RADIL: variants seen among roughly 807,000 people sequenced by gnomAD.
The protein encoded by RADIL is Rap associating with DIL domain, also known as ras-associating and dilute domain-containing protein.
In RADIL, 99 loss-of-function variants were observed where a neutral mutation model predicts 97.6. That is an observed-to-expected ratio of 1.01 (90% CI 0.86 to 1.20). The LOEUF (loss-of-function observed/expected upper bound fraction) is 1.20. Among genes scored for constraint, RADIL ranks in the 50% most tolerant of loss-of-function variants. The probability of loss-of-function intolerance (pLI) is 0.00; values close to 1 mark genes in which losing one functional copy is unlikely to be tolerated. For synonymous variants in RADIL, 803 were observed against 691.8 expected, an observed-to-expected ratio of 1.16 and a Z score of -2.52; for missense variants, 1,765 against 1,498.9, an observed-to-expected ratio of 1.18 and a Z score of -2.93.
chr7:4,848,358 T>TA (rs958739943), intron 2 of RADIL, among the ~76,000 whole-genome samples: 32 of 149,874 alleles, frequency 2.1e-4, no homozygotes, highest in East Asian at 1.6e-3. Flanking sequence ...AAAAGTTTTT[T>TA]AAAAAAAAAA....
In RADIL at chr7:4,879,136, C is replaced by A. The variant is rs1031150839; in HGVS notation, c.-64-933G>T. Among the ~76,000 whole-genome samples, 1 of 152,236 alleles carries A rather than the reference C, an allele frequency of 6.6e-6. No individual in the cohort carries two copies. Among genetic ancestry groups the A allele is most frequent in the African/African-American group, 2.4e-5 (1 of 41,470 alleles). ...CCCTCTCGAGCCGGTGCAGGCATGG[C>A]CGGAATGCAGGCGTCCCGCCCACCA... On this transcript the variant is annotated intron_variant, in intron 1 of 14. Coordinates refer to ENST00000399583, the MANE Select transcript of RADIL (RefSeq NM_018059.5). The surrounding 1 kb of genome is among the most constrained non-coding windows in gnomAD (Gnocchi z 4.1).
Position 4,835,290 on chromosome 7 carries a change from A to C in RADIL, c.784-51T>G. On this transcript the variant is annotated intron_variant, in intron 3 of 14. Transcript: ENST00000399583. This position sits in a 1 kb window ranked among gnomAD's most constrained non-coding sequence, Gnocchi z 5.8. ...AGGCGTAACGCGAGCAGCACACGGG[A>C]AAAGCGTCCCGTGTCTAGTCACTGG... is the stretch of plus-strand genomic sequence containing the variant. The C allele has an allele frequency of 6.3e-7, 1 of 1,582,184 alleles. No individual in the cohort carries two copies. The highest frequency in any genetic ancestry group is 8.5e-7 in the Non-Finnish European group (1 of 1,170,798).
At position 4,817,138 on chromosome 7, in the gene RADIL, C is replaced by T; in HGVS notation, c.1728+101G>A. On this transcript the variant is annotated intron_variant, in intron 7 of 14. Transcript: ENST00000399583. The surrounding 1 kb of genome is among the most constrained non-coding windows in gnomAD (Gnocchi z 8.3). ...TGGAGCTTGTCACGGTCCCCTCCCTCAGCCCCCCAGAAGGCTCCTTAGGAG... is the reference window on the plus strand; with the variant it reads ...TGGAGCTTGTCACGGTCCCCTCCCTTAGCCCCCCAGAAGGCTCCTTAGGAG... 9.8e-7 allele frequency: 1 copy of T among 1,024,670 alleles called. No homozygotes were observed. Among genetic ancestry groups the T allele is most frequent in the Non-Finnish European group, 1.4e-6 (1 of 690,068 alleles). 63.5% of individuals were successfully genotyped at this position (1,024,670 alleles called of 1,614,324 possible).
At chr7:4,868,392 G>C (rs1289043890) in intron 2 of RADIL, among the ~76,000 whole-genome samples, 7 of 152,150 alleles carry the variant, frequency 4.6e-5, no homozygotes, top group Admixed American at 3.3e-4. Context: ...TAACATATAT[G>C]TGTACGGGTG....
At chr7:4,809,859 A>AT (rs762694225) in intron 9 of RADIL, among the ~76,000 whole-genome samples, 2 of 149,382 alleles carry the variant, frequency 1.3e-5, no homozygotes, top group African/African-American at 2.5e-5. Context: ...TAATTTTTGT[A>AT]TTTTTTTAAT....
intron 11 of RADIL, among the ~76,000 whole-genome samples, chr7:4,802,251 C>A (rs1782113661): frequency 6.6e-6 from 1 of 152,202 alleles, no homozygotes; most frequent in Admixed American, 6.5e-5. Context: ...AGCTTCCAAC[C>A]CTTCTCCTGT....
At chr7:4,805,962 C>T (rs1365123315) in intron 9 of RADIL, 2 of 985,318 alleles carry the variant, frequency 2.0e-6, no homozygotes, top group African/African-American at 3.5e-5. Flanking sequence ...AGGGAACCCA[C>T]CCCCGTCTCA....
chr7:4,816,138 C>T (rs971185022), intron 8 of RADIL, 90 bp downstream of exon 8: 35 of 1,282,240 alleles, frequency 2.7e-5, no homozygotes, highest in Middle Eastern at 1.9e-4. Flanking sequence ...AGGGCAGAGC[C>T]GCCTCCAGGA....
rs35170049 is a variant in RADIL, at chr7:4,801,598, G to A, written c.2842+55C>T. ...AACGATCCCAGGGGACCGGCCATCAGGGTGCTGTGCGGGGTCTGGGGTGGG... is the reference window on the plus strand; with the variant it reads ...AACGATCCCAGGGGACCGGCCATCAAGGTGCTGTGCGGGGTCTGGGGTGGG... On this transcript the variant is annotated intron_variant, in intron 12 of 14. Transcript: ENST00000399583. 4 of 1,515,834 alleles carry A rather than the reference G, an allele frequency of 2.6e-6. No individual in the cohort carries two copies. The Admixed American group carries it at 8.6e-5, about 33-fold the overall frequency. The allele number at this position is 1,515,834 out of a possible 1,614,324, so 93.9% of individuals were successfully genotyped here. A position where few individuals can be genotyped will look rare whatever the true frequency, so the allele number is the denominator to read the frequency against.
At position 4,817,139 on chromosome 7, in the gene RADIL, A is replaced by T. The variant is rs903478983; in HGVS notation, c.1728+100T>A. On this transcript the variant is annotated intron_variant, in intron 7 of 14. Coordinates refer to ENST00000399583, the MANE Select transcript of RADIL (RefSeq NM_018059.5). The surrounding 1 kb of genome is among the most constrained non-coding windows in gnomAD (Gnocchi z 8.3). ...GGAGCTTGTCACGGTCCCCTCCCTC[A>T]GCCCCCCAGAAGGCTCCTTAGGAGA... 6 of 1,026,140 alleles carry T rather than the reference A, an allele frequency of 5.8e-6. No homozygotes were observed. Among genetic ancestry groups the T allele is most frequent in the Admixed American group, 2.3e-5 (1 of 44,228 alleles). 63.6% of individuals were successfully genotyped at this position (1,026,140 alleles called of 1,614,324 possible). A position where few individuals can be genotyped will look rare whatever the true frequency, so the allele number is the denominator to read the frequency against.
chr7:4,822,350 C>A lies in RADIL; in HGVS notation c.1615+44G>T, dbSNP rs768609842. Reference sequence around the variant, plus strand: ...GGCGAGGAGATGCCACACTCCCCTGCCTGGGGTGCTGGCGGGGGGAATGGA... The same window carrying A: ...GGCGAGGAGATGCCACACTCCCCTGACTGGGGTGCTGGCGGGGGGAATGGA... On this transcript the variant is annotated intron_variant, in intron 6 of 14. Coordinates refer to ENST00000399583, the MANE Select transcript of RADIL (RefSeq NM_018059.5). The surrounding 1 kb of genome is among the most constrained non-coding windows in gnomAD (Gnocchi z 5.3). 6.3e-7 allele frequency: 1 copy of A among 1,577,730 alleles called. No homozygotes were observed. Among genetic ancestry groups the A allele is most frequent in the South Asian group, 1.2e-5 (1 of 86,686 alleles).
Position 4,798,562 on chromosome 7 carries a change from C to T in RADIL, c.*816G>A, listed in dbSNP as rs1190176942. ...CACCCCGAGGCAGCAAGTGCCCTGCCCTGGTCCTGCGCATGGTCAGCCAGC... is the reference window on the plus strand; with the variant it reads ...CACCCCGAGGCAGCAAGTGCCCTGCTCTGGTCCTGCGCATGGTCAGCCAGC... On this transcript the variant is annotated 3_prime_UTR_variant, in exon 15 of 15. Coordinates refer to ENST00000399583, the MANE Select transcript of RADIL (RefSeq NM_018059.5). 2 of 152,768 alleles carry T rather than the reference C, an allele frequency of 1.3e-5. No homozygotes were observed. Among genetic ancestry groups the T allele is most frequent in the African/African-American group, 2.4e-5 (1 of 41,474 alleles). 9.5% of individuals were successfully genotyped at this position (152,768 alleles called of 1,614,324 possible).
rs267601534 is a variant in RADIL at position 4,877,861 on chromosome 7, C to T, written c.279G>A (p.Val93=). The change falls in exon 2 of 15, where the codon GTG becomes GTA. Residue 93 remains valine (V), a synonymous_variant. Transcript: ENST00000399583. ...GGGCGTACCGCTCCAGCGCCTCCTTCACCAGCTCACGGGCGCTGGAGGTGC... is the reference window on the plus strand; with the variant it reads ...GGGCGTACCGCTCCAGCGCCTCCTTTACCAGCTCACGGGCGCTGGAGGTGC... ...ATGTSSAREL[V]KEALERYALD... 6.2e-6 allele frequency: 10 copies of T among 1,605,918 alleles called. No homozygotes were observed. The African/African-American group carries it at 1.1e-4, about 17-fold the overall frequency.
chr7:4,846,483 G>C (rs946766798), intron 2 of RADIL, among the ~76,000 whole-genome samples: 3 of 150,312 alleles, frequency 2.0e-5, no homozygotes, highest in Admixed American at 2.0e-4. Context: ...TAACTTTGGT[G>C]GGGGAGTCTT....
At chr7:4,863,020 T>C (rs902370339) in intron 2 of RADIL, among the ~76,000 whole-genome samples, 3 of 152,224 alleles carry the variant, frequency 2.0e-5, no homozygotes, top group Non-Finnish European at 2.9e-5. Context: ...TCTTGGGCAC[T>C]TCCTGGGAAT....
At position 4,800,155 on chromosome 7, in the gene RADIL, G is replaced by T. The variant is rs549339495; in HGVS notation, c.2982+16C>A. On this transcript the variant is annotated intron_variant, in intron 13 of 14. Transcript: ENST00000399583. ...CAGCCAGTATGGGGGTGCGGCGAGG[G>T]TCCTGGGCCACTCACCATCCCGTCG... 1.3e-6 allele frequency: 2 copies of T among 1,589,846 alleles called. No homozygotes were observed. Among genetic ancestry groups the T allele is most frequent in the South Asian group, 2.2e-5 (2 of 89,436 alleles).
intron 9 of RADIL, 167 bp from the exon 10 acceptor site, chr7:4,805,883 A>C (rs1265954787): frequency 2.0e-6 from 2 of 985,172 alleles, no homozygotes; most frequent in African/African-American, 3.5e-5. Flanking sequence ...GCAGCAGTTC[A>C]CCCCTGGCAC....
intron 2 of RADIL, chr7:4,861,853 G>A (rs769319203): frequency 3.7e-6 from 5 of 1,336,900 alleles, no homozygotes; most frequent in Admixed American, 6.6e-5. Context: ...CCACCACCGC[G>A]ACCTTCGCGG....
chr7:4,804,976 C>T (rs575067618), intron 10 of RADIL, among the ~76,000 whole-genome samples: 79 of 152,114 alleles, frequency 5.2e-4, no homozygotes, highest in African/African-American at 1.9e-3. Context: ...CACCTGTAAT[C>T]CCAGCTACTA....
Sources: gnomAD v4.1 joint callset for allele counts (sites outside exome capture counted in the v4.1 genomes callset) on GRCh38, gnomAD v4.1.1 for gene constraint, Gnocchi (gnomAD v3.1) non-coding constraint, MANE v1.5 for transcripts, NCBI Gene and HGNC (gene_info 2026-07-23, HGNC 2026-07-21) for gene names.